The following EHBP1 variants were observed in gnomAD, a reference collection of about 807,000 sequenced individuals.
EHBP1 encodes EH domain-binding protein 1.
EHBP1 carries 55 observed loss-of-function variants against 144.0 expected under a neutral mutation model. The observed-to-expected ratio is 0.38, with a 90% CI of 0.31 to 0.48. The LOEUF is 0.48. EHBP1 is among the 20% of genes least tolerant of loss of function. The pLI, the probability that EHBP1 is intolerant of heterozygous loss-of-function variation, is 0.98. For synonymous variants in EHBP1, 469 were observed against 472.7 expected, an observed-to-expected ratio of 0.99 and a Z score of 0.10; for missense variants, 1,200 against 1,364.2, an observed-to-expected ratio of 0.88 and a Z score of 1.90.
chr2:62,771,573 G>A, intron 5 of EHBP1, 181 bp downstream of exon 5: 1 of 492,582 alleles, frequency 2.0e-6, no homozygotes, highest in Non-Finnish European at 3.6e-6. Flanking sequence ...TGTAAGAAAT[G>A]CTTTTATTAA....
intron 1 of EHBP1, among the ~76,000 whole-genome samples, chr2:62,675,919 G>GT (rs11448793): frequency 0.11 from 16,706 of 151,732 alleles, 1,199 homozygotes; most frequent in Admixed American, 0.18. Context: ...TGGCCCACAA[G>GT]TTTTTTTTTA....
At chr2:62,846,742 A>G (rs1449510423) in intron 7 of EHBP1, among the ~76,000 whole-genome samples, 1 of 152,208 alleles carries the variant, frequency 6.6e-6, no homozygotes, top group Non-Finnish European at 1.5e-5. Flanking sequence ...GTAGAGGTAA[A>G]TAAAAAACAG....
intron 14 of EHBP1, among the ~76,000 whole-genome samples, chr2:62,962,633 T>G (rs1187357817): frequency 6.6e-6 from 1 of 152,238 alleles, no homozygotes; most frequent in African/African-American, 2.4e-5. Flanking sequence ...ATATGTTTAA[T>G]TATAACTTTT....
chr2:63,035,593 A>G (rs1425230186), intron 19 of EHBP1, among the ~76,000 whole-genome samples: 1 of 152,106 alleles, frequency 6.6e-6, no homozygotes, highest in Non-Finnish European at 1.5e-5. Flanking sequence ...TTATAGGTTA[A>G]GTTAAACGCA....
At chr2:62,725,568 C>T (rs2151962974) in intron 2 of EHBP1, among the ~76,000 whole-genome samples, 2 of 152,264 alleles carry the variant, frequency 1.3e-5, no homozygotes, top group Middle Eastern at 6.8e-3. Context: ...CTGTTTTCTG[C>T]CTGGTTTCAC....
intron 19 of EHBP1, among the ~76,000 whole-genome samples, chr2:63,018,342 A>G (rs1559073021): frequency 6.6e-6 from 1 of 152,124 alleles, no homozygotes; most frequent in Non-Finnish European, 1.5e-5. Context: ...TATTCTCACA[A>G]TTTGTTCAGC....
chr2:62,996,814 C>G, intron 19 of EHBP1, 48 bp downstream of exon 19: 1 of 1,596,622 alleles, frequency 6.3e-7, no homozygotes, highest in Middle Eastern at 1.7e-4. Context: ...ATTGAGCGTT[C>G]ACAAACTCTT....
intron 4 of EHBP1, among the ~76,000 whole-genome samples, chr2:62,767,167 C>T (rs1174672108): frequency 6.6e-6 from 1 of 151,948 alleles, no homozygotes; most frequent in Non-Finnish European, 1.5e-5. Context: ...CTGAAGAAAA[C>T]GTTGCCGCTA....
intron 14 of EHBP1, among the ~76,000 whole-genome samples, chr2:62,974,887 T>A (rs2058647887): frequency 1.3e-5 from 2 of 152,164 alleles, no homozygotes; most frequent in Non-Finnish European, 1.5e-5. Context: ...CCAGTTATTA[T>A]TGCTGTGTAA....
chr2:63,017,921 T>C (rs1023211592), intron 19 of EHBP1, among the ~76,000 whole-genome samples: 1 of 152,160 alleles, frequency 6.6e-6, no homozygotes, highest in East Asian at 1.9e-4. Flanking sequence ...CCCAGCACTT[T>C]GGGAGGCTTA....
chr2:62,824,870 TAGG>T (rs2046237237), intron 5 of EHBP1, among the ~76,000 whole-genome samples: 1 of 151,958 alleles, frequency 6.6e-6, no homozygotes, highest in African/African-American at 2.4e-5. Flanking sequence ...TTTTCAAACA[TAGG>T]AGAAATAAAG....
intron 1 of EHBP1, among the ~76,000 whole-genome samples, chr2:62,699,693 T>C (rs1383165822): frequency 6.6e-6 from 1 of 152,244 alleles, no homozygotes; most frequent in Non-Finnish European, 1.5e-5. Flanking sequence ...TCAATGCCTA[T>C]GCCATGTTGT....
intron 1 of EHBP1, among the ~76,000 whole-genome samples, chr2:62,695,893 T>A (rs2034070372): frequency 6.6e-6 from 1 of 151,780 alleles, no homozygotes; most frequent in South Asian, 2.1e-4. Context: ...TTGTATTTTT[T>A]GTAGAGACAG....
At chr2:62,932,331 T>C (rs1486680878) in intron 10 of EHBP1, among the ~76,000 whole-genome samples, 2 of 152,076 alleles carry the variant, frequency 1.3e-5, no homozygotes, top group African/African-American at 4.8e-5. Flanking sequence ...CAAATGTCCA[T>C]TGATGAATGA....
At chr2:62,731,849 A>T (rs555762738) in intron 2 of EHBP1, among the ~76,000 whole-genome samples, 1 of 152,274 alleles carries the variant, frequency 6.6e-6, no homozygotes, top group East Asian at 1.9e-4. Flanking sequence ...CTGACTATAT[A>T]ATTTTCCTTC....
At chr2:62,782,536 A>AG (rs916514039) in intron 5 of EHBP1, among the ~76,000 whole-genome samples, 1 of 152,208 alleles carries the variant, frequency 6.6e-6, no homozygotes, top group Non-Finnish European at 1.5e-5. Flanking sequence ...ATTGACCCAC[A>AG]GTTCCGTATG....
intron 13 of EHBP1, 148 bp from the exon 14 acceptor site, chr2:62,955,369 A>T: frequency 1.5e-6 from 1 of 684,322 alleles, no homozygotes. Flanking sequence ...TCTAGTCAAC[A>T]TTAATATTCT....
At chr2:62,774,869 A>G (rs2152384411) in intron 5 of EHBP1, among the ~76,000 whole-genome samples, 1 of 152,280 alleles carries the variant, frequency 6.6e-6, no homozygotes, top group South Asian at 2.1e-4. Flanking sequence ...AAAAAAAACC[A>G]GATAACAAGT....
chr2:62,964,902 A>G (rs2058171765), intron 14 of EHBP1: 1 of 152,660 alleles, frequency 6.6e-6, no homozygotes, highest in African/African-American at 2.4e-5. Flanking sequence ...GCCCCTTGGC[A>G]TGAAACCACA....
Sources: gnomAD v4.1 joint callset for allele counts (sites outside exome capture counted in the v4.1 genomes callset) on GRCh38, gnomAD v4.1.1 for gene constraint, MANE v1.5 for transcripts, NCBI Gene and HGNC (gene_info 2026-07-23, HGNC 2026-07-21) for gene names.